The following MS4A1 variants were observed in gnomAD, a reference collection of about 807,000 sequenced individuals.
MS4A1 encodes membrane spanning 4-domains A1.
A neutral mutation model predicts 26.5 loss-of-function variants in MS4A1; 16 were observed. That is an observed-to-expected ratio of 0.60 (90% CI 0.41 to 0.92). MS4A1 has a LOEUF of 0.92. Ranked by LOEUF, MS4A1 falls within the 40% of genes least tolerant of loss-of-function variation. The pLI, the probability that MS4A1 is intolerant of heterozygous loss-of-function variation, is 0.00. For missense variants in MS4A1, 350 were observed against 353.0 expected (o/e 0.99, Z 0.07); for synonymous variants, 128 against 117.6 (o/e 1.09, Z -0.57).
At chr11:60,457,383 C>G (rs1468738300) in intron 1 of MS4A1, among the ~76,000 whole-genome samples, 5 of 152,102 alleles carry the variant, frequency 3.3e-5, no homozygotes, top group Non-Finnish European at 5.9e-5. Flanking sequence ...CAAAGGAGTT[C>G]AGGCTCAGGA....
Position 60,462,472 on chromosome 11 carries a change from G to A in MS4A1, c.98G>A (p.Arg33Lys), listed in dbSNP as rs747239876. The A allele has an allele frequency of 6.2e-7, 1 of 1,614,204 alleles. No individual in the cohort carries two copies. The highest frequency in any genetic ancestry group is 8.5e-7 in the Non-Finnish European group (1 of 1,180,038). Residue 33 changes from arginine (R) to lysine (K), a missense_variant, in exon 3 of 8, where the codon AGG becomes AAG. Physicochemically the swap from Arg to Lys is conservative, Grantham distance 26. Transcript: ENST00000345732. Reference sequence around the variant, plus strand: ...TCTGGTCCAAAACCACTCTTCAGGAGGATGTCTTCACTGGTGGGCCCCACG... The same window carrying A: ...TCTGGTCCAAAACCACTCTTCAGGAAGATGTCTTCACTGGTGGGCCCCACG... The part of the protein sequence containing the change: ...MQSGPKPLFR[R>K]MSSLVGPTQS...
rs191679820 is a variant in MS4A1 at position 60,467,701 on chromosome 11, T to A, written c.676-549T>A. ...GTTGAAGGCTAAGTCACTAGTTCTT[T>A]GGTTTCATTTTTCAGTATTCCCCTC... is the stretch of plus-strand genomic sequence containing the variant. On this transcript the variant is annotated intron_variant, in intron 7 of 7. Transcript: ENST00000345732. Among the ~76,000 whole-genome samples, 237 of 152,232 alleles carry A rather than the reference T, an allele frequency of 1.6e-3. 1 individual carries two copies. The highest frequency in any genetic ancestry group is 0.014 in the Middle Eastern group (4 of 294).
chr11:60,469,984 G>T lies in MS4A1; in HGVS notation c.*1516G>T, dbSNP rs1016369723. 3.9e-5 allele frequency: 6 copies of T among 152,100 alleles called. No homozygotes were observed. Among genetic ancestry groups the T allele is most frequent in the African/African-American group, 1.4e-4 (6 of 41,432 alleles). The allele number at this position is 152,100 out of a possible 1,614,324, so 9.4% of individuals were successfully genotyped here. A position where few individuals can be genotyped will look rare whatever the true frequency, so the allele number is the denominator to read the frequency against. On this transcript the variant is annotated 3_prime_UTR_variant, in exon 8 of 8. Transcript: ENST00000345732. ...CCCAAAATTAGAAAAAAAGGAGATAGAAGATTTCTGTCTATGTAAAGTTCT... is the reference window on the plus strand; with the variant it reads ...CCCAAAATTAGAAAAAAAGGAGATATAAGATTTCTGTCTATGTAAAGTTCT...
chr11:60,466,224 G>T, intron 6 of MS4A1, 67 bp downstream of exon 6: 1 of 1,277,458 alleles, frequency 7.8e-7, no homozygotes, highest in South Asian at 1.2e-5. Flanking sequence ...TGTTTATTAT[G>T]AGCATGAACT....
intron 3 of MS4A1, 74 bp downstream of exon 3, chr11:60,462,607 T>C: frequency 6.3e-7 from 1 of 1,577,346 alleles, no homozygotes; most frequent in Non-Finnish European, 8.7e-7. Flanking sequence ...ATAGGCCACA[T>C]ACAGAATTCA....
At chr11:60,461,734 G>A (rs750543796) in intron 2 of MS4A1, among the ~76,000 whole-genome samples, 11 of 151,554 alleles carry the variant, frequency 7.3e-5, no homozygotes, top group South Asian at 2.1e-4. Context: ...TAGCCAGCCC[G>A]GTCTCAAACT....
At chr11:60,464,248 C>G (rs768468956) in intron 4 of MS4A1, 40 bp from the exon 5 acceptor site, 5 of 1,326,332 alleles carry the variant, frequency 3.8e-6, no homozygotes, top group Non-Finnish European at 4.3e-6. Context: ...TCCTGTCTTG[C>G]CCACCCCCTC....
Position 60,468,417 on chromosome 11 carries a change from A to G in MS4A1, c.843A>G (p.Glu281=), listed in dbSNP as rs1470595806. 3 of 1,614,154 alleles carry G rather than the reference A, an allele frequency of 1.9e-6. No homozygotes were observed. Among genetic ancestry groups the G allele is most frequent in the Non-Finnish European group, 2.5e-6 (3 of 1,180,008 alleles). ...AAGAAACAGAGACGAACTTTCCAGA[A>G]CCTCCCCAAGATCAGGAATCCTCAC... ...EEEETETNFP[E]PPQDQESSPI... is the part of the protein sequence containing the mutation. The change falls in exon 8 of 8, where the codon GAA becomes GAG. Residue 281 remains glutamate (E), a synonymous_variant. Transcript: ENST00000345732.
At position 60,468,370 on chromosome 11, in the gene MS4A1, C is replaced by T. The variant is rs2086313108; in HGVS notation, c.796C>T (p.Pro266Ser). ...GAATGAAGAAGACATTGAAATTATT[C>T]CAATCCAAGAAGAGGAAGAAGAAGA... ...PKNEEDIEII[P>S]IQEEEEEETE... Residue 266 changes from proline to serine, a missense_variant, in exon 8 of 8, where the codon CCA becomes TCA. By Grantham distance (74) the Pro-to-Ser change is moderately conservative (BLOSUM62 -1). Coordinates refer to ENST00000345732, the MANE Select transcript of MS4A1 (RefSeq NM_152866.3). The T allele has an allele frequency of 6.2e-7, 1 of 1,613,900 alleles. No homozygotes were observed. The highest frequency in any genetic ancestry group is 8.5e-7 in the Non-Finnish European group (1 of 1,179,944).
chr11:60,463,154 G>T (rs2086262952), intron 4 of MS4A1, 33 bp downstream of exon 4: 3 of 1,613,936 alleles, frequency 1.9e-6, no homozygotes, highest in Non-Finnish European at 1.7e-6. Context: ...TTTGGGAAAT[G>T]GTGCAGACAA....
intron 1 of MS4A1, among the ~76,000 whole-genome samples, chr11:60,457,642 G>A (rs2086215086): frequency 6.6e-6 from 1 of 152,134 alleles, no homozygotes; most frequent in African/African-American, 2.4e-5. Flanking sequence ...AGTGAAATGT[G>A]GTCCCAACTA....
At chr11:60,460,784 T>G (rs757265275) in intron 1 of MS4A1, among the ~76,000 whole-genome samples, 12 of 151,886 alleles carry the variant, frequency 7.9e-5, no homozygotes, top group Non-Finnish European at 1.8e-4. Context: ...ATTAATTGCC[T>G]TCTCACTTCA....
Position 60,459,249 on chromosome 11 carries a change from G to A in MS4A1, c.-279-1823G>A, listed in dbSNP as rs189178491. The stretch of plus-strand genomic sequence containing the variant: ...GTGACTCCCAGCTCATTCCATACTT[G>A]CCATAGGACCTTGGGAAAAATAACC... On this transcript the variant is annotated intron_variant, in intron 1 of 7. Transcript: ENST00000345732. Among the ~76,000 whole-genome samples the A allele has an allele frequency of 1.5e-4, 23 of 152,252 alleles. 1 individual carries two copies. The East Asian group carries it at 3.9e-3, about 26-fold the overall frequency.
intron 7 of MS4A1, among the ~76,000 whole-genome samples, chr11:60,467,847 T>C (rs1342998971): frequency 1.3e-5 from 2 of 152,190 alleles, no homozygotes; most frequent in Non-Finnish European, 1.5e-5. Flanking sequence ...GACTGTTAGA[T>C]TTAGAATTTA....
At position 60,470,687 on chromosome 11, in the gene MS4A1, A is replaced by G. The variant is rs1217716911; in HGVS notation, c.*2219A>G. 1 of 152,018 alleles carries G rather than the reference A, an allele frequency of 6.6e-6. No individual in the cohort carries two copies. The highest frequency in any genetic ancestry group is 1.9e-4 in the East Asian group (1 of 5,200). 9.4% of individuals were successfully genotyped at this position (152,018 alleles called of 1,614,324 possible). A position where few individuals can be genotyped will look rare whatever the true frequency, so the allele number is the denominator to read the frequency against. The stretch of plus-strand genomic sequence containing the variant: ...TTCTCTAGCCTTAGTTTTTCCTCCC[A>G]ATTTGCATTTTTGTAAAAATAATGT... On this transcript the variant is annotated 3_prime_UTR_variant, in exon 8 of 8. Coordinates refer to ENST00000345732, the MANE Select transcript of MS4A1 (RefSeq NM_152866.3).
At chr11:60,459,647 G>T (rs1355088199) in intron 1 of MS4A1, among the ~76,000 whole-genome samples, 2 of 152,178 alleles carry the variant, frequency 1.3e-5, no homozygotes, top group Non-Finnish European at 2.9e-5. Context: ...TAAAATATCT[G>T]TTTTTGTTAG....
At chr11:60,458,498 T>C (rs1476493269) in intron 1 of MS4A1, among the ~76,000 whole-genome samples, 3 of 152,212 alleles carry the variant, frequency 2.0e-5, no homozygotes, top group Non-Finnish European at 4.4e-5. Flanking sequence ...AGTGATCACC[T>C]GAGTCTCTAT....
intron 1 of MS4A1, chr11:60,458,337 A>G (rs1565192873): frequency 6.6e-6 from 1 of 152,252 alleles, no homozygotes; most frequent in Non-Finnish European, 1.5e-5. Context: ...TTCTCAGTAC[A>G]TGATGGTACG....
At chr11:60,459,175 T>G (rs905515024) in intron 1 of MS4A1, among the ~76,000 whole-genome samples, 18 of 152,252 alleles carry the variant, frequency 1.2e-4, no homozygotes, top group African/African-American at 4.3e-4. Context: ...TGATGACCTT[T>G]GCATTTTAAG....
Sources: allele counts gnomAD v4.1 joint callset (sites outside exome capture counted in the v4.1 genomes callset), GRCh38; gene constraint gnomAD v4.1.1; transcripts MANE v1.5; gene names NCBI Gene and HGNC (gene_info 2026-07-23, HGNC 2026-07-21).